Variants in EVC observed in about 807,000 individuals in gnomAD.
EVC encodes evC complex member EVC.
A neutral mutation model predicts 118.9 loss-of-function variants in EVC; 116 were observed. The observed-to-expected ratio is 0.98, with a 90% CI of 0.84 to 1.14. EVC has a LOEUF of 1.14. EVC is among the 50% of genes most tolerant of loss of function. The pLI is 0.00. For synonymous variants in EVC, 619 were observed against 534.7 expected (o/e 1.16, Z -2.18); for missense variants, 1,401 against 1,246.4 (o/e 1.12, Z -1.87).
chr4:5,773,991 A>C lies in EVC; in HGVS notation c.1564-9561A>C, dbSNP rs1734367477. ...AATCCCAGAAAGATCCATTCCGTGG[A>C]CTCTGAACCTTCATTGGTGCATCTT... On this transcript the variant is annotated intron_variant, in intron 11 of 20. Transcript: ENST00000264956. Among the ~76,000 whole-genome samples, 5 of 151,952 alleles carry C rather than the reference A, an allele frequency of 3.3e-5. No individual in the cohort carries two copies. The South Asian group carries it at 1.0e-3, about 32-fold the overall frequency.
chr4:5,782,324 C>T (rs1297857413), intron 11 of EVC, among the ~76,000 whole-genome samples: 5 of 151,694 alleles, frequency 3.3e-5, no homozygotes, highest in Admixed American at 6.6e-5. Flanking sequence ...ATCTACCCAC[C>T]TCAGCCTCCC....
intron 7 of EVC, 155 bp from the exon 8 acceptor site, chr4:5,747,993 C>T (rs983330602): frequency 4.8e-5 from 41 of 850,422 alleles, no homozygotes; most frequent in African/African-American, 1.8e-4. Flanking sequence ...CACTGTAGAA[C>T]GTGATTGTTG....
chr4:5,828,609 G>A, the EVC span: 2 of 1,614,202 alleles, frequency 1.2e-6, no homozygotes, highest in Non-Finnish European at 8.5e-7. Flanking sequence ...TGCCCTGGCT[G>A]ATGACCACTA....
Position 5,808,130 on chromosome 4 carries a change from T to TC in EVC, c.2562-70dup, listed in dbSNP as rs1553895564. On this transcript the variant is annotated intron_variant, in intron 17 of 20. Coordinates refer to ENST00000264956, the MANE Select transcript of EVC (RefSeq NM_153717.3). The stretch of plus-strand genomic sequence containing the variant: ...GGATCAGCAGCCTCCCTGCCTTCCT[T>TC]CTCCCTCCCTCCCTCCCTCCCTCCC... 1.1e-3 allele frequency: 345 copies of TC among 314,926 alleles called. 11 individuals are homozygous for TC. The highest frequency in any genetic ancestry group is 2.4e-4 in the Non-Finnish European group (41 of 171,642). 19.5% of individuals were successfully genotyped at this position (314,926 alleles called of 1,614,324 possible).
chr4:5,712,533 T>A (rs778387163), intron 1 of EVC, among the ~76,000 whole-genome samples: 10 of 152,106 alleles, frequency 6.6e-5, no homozygotes, highest in Non-Finnish European at 1.3e-4. Context: ...TCTGCCTCTT[T>A]GGGGTGGGAG....
Position 5,811,282 on chromosome 4 carries a change from C to G in EVC, c.*245C>G. 1 of 486,522 alleles carries G rather than the reference C, an allele frequency of 2.1e-6. No homozygotes were observed. The highest frequency in any genetic ancestry group is 3.8e-6 in the Non-Finnish European group (1 of 265,864). 30.1% of individuals were successfully genotyped at this position (486,522 alleles called of 1,614,324 possible). A position where few individuals can be genotyped will look rare whatever the true frequency, so the allele number is the denominator to read the frequency against. On this transcript the variant is annotated 3_prime_UTR_variant, in exon 21 of 21. Coordinates refer to ENST00000264956, the MANE Select transcript of EVC (RefSeq NM_153717.3). ...AGTTTGCATTTCATTTGGCTTGGAG[C>G]CCTGGCTCGATGCCTCATGGATCTT... is the stretch of plus-strand genomic sequence containing the variant.
Position 5,808,007 on chromosome 4 carries a change from C to T in EVC, c.2562-194C>T, listed in dbSNP as rs1454281053. ...CTCTAAACTCCCGTGTTGTAAAGGG[C>T]GTCCACTTTGATGGAGAGGCAGCCT... On this transcript the variant is annotated intron_variant, in intron 17 of 20. Transcript: ENST00000264956. Among the ~76,000 whole-genome samples the T allele has an allele frequency of 1.3e-4, 20 of 152,330 alleles. No individual in the cohort carries two copies. In the South Asian group the frequency reaches 4.1e-3, roughly 32 times the overall value.
rs1002683381 is a variant in EVC at position 5,755,193 on chromosome 4, G to C, written c.1465-1071G>C. Reference sequence around the variant, plus strand: ...AATAAGAGGAAGATAAGGCTATTCAGCTCCTCGTTATTTGGATATTTCTGG... The same window carrying C: ...AATAAGAGGAAGATAAGGCTATTCACCTCCTCGTTATTTGGATATTTCTGG... On this transcript the variant is annotated intron_variant, in intron 10 of 20. Transcript: ENST00000264956. The surrounding 1 kb of genome is among the most constrained non-coding windows in gnomAD (Gnocchi z 4.1). Among the ~76,000 whole-genome samples the C allele has an allele frequency of 1.3e-5, 2 of 152,158 alleles. No homozygotes were observed. Among genetic ancestry groups the C allele is most frequent in the African/African-American group, 2.4e-5 (1 of 41,430 alleles).
intron 8 of EVC, among the ~76,000 whole-genome samples, chr4:5,748,797 C>T (rs1353907722): frequency 1.9e-5 from 2 of 108,104 alleles, no homozygotes; most frequent in South Asian, 3.4e-4. Context: ...TCCATCCATC[C>T]ATCCATCCGT....
rs1357497178 is a variant in EVC, at chr4:5,731,791, C to T, written c.617+134C>T. On this transcript the variant is annotated intron_variant, in intron 4 of 20. Transcript: ENST00000264956. This position sits in a 1 kb window ranked among gnomAD's most constrained non-coding sequence, Gnocchi z 5.6. ...CTGCCAGGGACACACAGCGACCCAG[C>T]GTCACCATCGGAGCCCCAGAGGCCT... 4 of 884,728 alleles carry T rather than the reference C, an allele frequency of 4.5e-6. No individual in the cohort carries two copies. Among genetic ancestry groups the T allele is most frequent in the South Asian group, 2.9e-5 (2 of 69,546 alleles). 54.8% of individuals were successfully genotyped at this position (884,728 alleles called of 1,614,324 possible).
At chr4:5,827,994 G>A in the EVC span, 25 of 972,110 alleles carry the variant, frequency 2.6e-5, no homozygotes, top group South Asian at 5.2e-4. Context: ...GGGCAGAAAC[G>A]TCAAGGGAGG....
rs531856178 is a variant in EVC at position 5,755,599 on chromosome 4, C to T, written c.1465-665C>T. ...CTGGTCTCTGCTGCTGCTCGCTGAG[C>T]CTGGCTCCCCATCTTCCCTCCAAGG... is the stretch of plus-strand genomic sequence containing the variant. On this transcript the variant is annotated intron_variant, in intron 10 of 20. Transcript: ENST00000264956. The surrounding 1 kb of genome is among the most constrained non-coding windows in gnomAD (Gnocchi z 4.1). Among the ~76,000 whole-genome samples the T allele has an allele frequency of 1.3e-5, 2 of 152,262 alleles. No homozygotes were observed. Among genetic ancestry groups the T allele is most frequent in the East Asian group, 1.9e-4 (1 of 5,184 alleles).
chr4:5,788,731 C>T (rs1712190450), intron 12 of EVC, among the ~76,000 whole-genome samples: 1 of 152,206 alleles, frequency 6.6e-6, no homozygotes, highest in Admixed American at 6.5e-5. Context: ...CTGGTCAAAA[C>T]CACTCTTGTC....
intron 17 of EVC, among the ~76,000 whole-genome samples, chr4:5,805,697 C>T (rs1715758810): frequency 6.6e-6 from 1 of 152,158 alleles, no homozygotes; most frequent in Non-Finnish European, 1.5e-5. Context: ...CCAAGGGCTT[C>T]ACTTTGACCC....
rs377648246 is a variant in EVC at position 5,731,090 on chromosome 4, C to T, written c.385-335C>T. ...AAGGAGAGAACTGGGTCAGGGCAAG[C>T]GGTGGCTATGGAGGAGGTAGGTCAG... On this transcript the variant is annotated intron_variant, in intron 3 of 20. Transcript: ENST00000264956. The surrounding 1 kb of genome is among the most constrained non-coding windows in gnomAD (Gnocchi z 5.6). 1.2e-3 allele frequency among the ~76,000 whole-genome samples: 188 copies of T among 151,960 alleles called. No individual in the cohort carries two copies. Among genetic ancestry groups the T allele is most frequent in the African/African-American group, 3.2e-3 (131 of 41,468 alleles).
chr4:5,752,351 G>C (rs188187036), intron 8 of EVC, among the ~76,000 whole-genome samples: 1 of 152,132 alleles, frequency 6.6e-6, no homozygotes, highest in Non-Finnish European at 1.5e-5. Context: ...GCGGGGAGTC[G>C]TGTTGGAAGC....
At chr4:5,721,344 C>T (rs1346771767) in intron 2 of EVC, among the ~76,000 whole-genome samples, 3 of 152,018 alleles carry the variant, frequency 2.0e-5, no homozygotes, top group Non-Finnish European at 2.9e-5. Flanking sequence ...AATGAAGGGC[C>T]GATGGGTGCT....
intron 2 of EVC, among the ~76,000 whole-genome samples, chr4:5,720,493 C>T (rs567730857): frequency 5.3e-5 from 8 of 151,682 alleles, no homozygotes; most frequent in Admixed American, 5.2e-4. Context: ...CTGCTCCTTT[C>T]CAACCTGTTC....
chr4:5,805,957 T>C (rs1210730075), intron 17 of EVC, among the ~76,000 whole-genome samples: 1 of 149,856 alleles, frequency 6.7e-6, no homozygotes, highest in Non-Finnish European at 1.5e-5. Flanking sequence ...TGAATAGTGG[T>C]GAAGTCTGAG....
Sources: allele counts gnomAD v4.1 joint callset (sites outside exome capture counted in the v4.1 genomes callset), GRCh38; gene constraint gnomAD v4.1.1; non-coding constraint Gnocchi (gnomAD v3.1); transcripts MANE v1.5; gene names NCBI Gene and HGNC (gene_info 2026-07-23, HGNC 2026-07-21).